TNR: variants seen among roughly 807,000 people sequenced by gnomAD.
TNR encodes tenascin R, also known as tenascin-R.
TNR carries 45 observed loss-of-function variants against 150.4 expected under a neutral mutation model. The ratio of observed to expected loss-of-function variants is 0.30; its 90% CI spans 0.24 to 0.38. TNR has a LOEUF of 0.38. Among genes scored for constraint, TNR ranks in the 10% least tolerant of loss-of-function variants. The pLI is 1.00. For synonymous variants in TNR, 687 were observed against 678.4 expected (o/e 1.01, Z -0.20); for missense variants, 1,544 against 1,759.1 (o/e 0.88, Z 2.19).
intron 1 of TNR, among the ~76,000 whole-genome samples, chr1:175,666,022 A>G (rs575913745): frequency 1.6e-4 from 24 of 152,326 alleles, no homozygotes; most frequent in African/African-American, 4.8e-4. Flanking sequence ...AACCTCCCTA[A>G]TTTACCATAA....
intron 18 of TNR, among the ~76,000 whole-genome samples, chr1:175,353,215 G>T (rs1651148583): frequency 6.6e-6 from 1 of 152,156 alleles, no homozygotes; most frequent in African/African-American, 2.4e-5. Context: ...TCAAATTCCA[G>T]CTCCCTTACT....
chr1:175,509,129 G>A (rs1659067701), intron 2 of TNR, among the ~76,000 whole-genome samples: 1 of 152,160 alleles, frequency 6.6e-6, no homozygotes, highest in South Asian at 2.1e-4. Context: ...ACCAGTATGA[G>A]CCATTATTTT....
intron 1 of TNR, among the ~76,000 whole-genome samples, chr1:175,544,753 G>T (rs918816223): frequency 1.3e-5 from 2 of 152,210 alleles, no homozygotes; most frequent in African/African-American, 2.4e-5. Flanking sequence ...CTATTGGAAA[G>T]GTAGAAGGAG....
intron 1 of TNR, among the ~76,000 whole-genome samples, chr1:175,605,403 T>A (rs1244051210): frequency 6.6e-6 from 1 of 152,226 alleles, no homozygotes; most frequent in African/African-American, 2.4e-5. Context: ...AGCGCATGTA[T>A]ACACTTACTT....
chr1:175,711,971 G>A (rs1220726381), intron 1 of TNR, among the ~76,000 whole-genome samples: 1 of 152,204 alleles, frequency 6.6e-6, no homozygotes, highest in Non-Finnish European at 1.5e-5. Context: ...TGAATCTGCA[G>A]TTCAGGAGAA....
chr1:175,446,293 C>T (rs10912982), intron 2 of TNR, among the ~76,000 whole-genome samples: 37,943 of 152,122 alleles, frequency 0.25, 5,037 homozygotes, highest in East Asian at 0.5. Flanking sequence ...TGGGCTCTGA[C>T]CTGGCTCTGT....
At chr1:175,411,478 A>T (rs1224149981) in intron 2 of TNR, among the ~76,000 whole-genome samples, 1 of 151,974 alleles carries the variant, frequency 6.6e-6, no homozygotes, top group Admixed American at 6.6e-5. Flanking sequence ...ATTCTCTCAT[A>T]GTTCTGGTGG....
At chr1:175,394,027 G>A (rs1047664099) in intron 5 of TNR, 132 bp from the exon 6 acceptor site, 2 of 694,380 alleles carry the variant, frequency 2.9e-6, no homozygotes, top group African/African-American at 1.8e-5. Flanking sequence ...TCCCAATCTT[G>A]CTCCAGACAC....
At chr1:175,602,359 T>A in intron 1 of TNR, among the ~76,000 whole-genome samples, 1 of 152,176 alleles carries the variant, frequency 6.6e-6, no homozygotes, top group East Asian at 1.9e-4. Flanking sequence ...GAGTTTCTGA[T>A]TCTATAGGCC....
At chr1:175,392,318 C>G (rs1020862860) in intron 6 of TNR, among the ~76,000 whole-genome samples, 2 of 152,096 alleles carry the variant, frequency 1.3e-5, no homozygotes, top group Admixed American at 1.3e-4. Context: ...ATTTATGGTA[C>G]CCAGGGTGCC....
chr1:175,674,027 G>C (rs1031604805), intron 1 of TNR, among the ~76,000 whole-genome samples: 1 of 152,206 alleles, frequency 6.6e-6, no homozygotes, highest in Non-Finnish European at 1.5e-5. Flanking sequence ...AGTGCTGTGT[G>C]CCTCAACTCT....
At chr1:175,516,798 GA>G (rs995711557) in intron 2 of TNR, among the ~76,000 whole-genome samples, 59 of 152,184 alleles carry the variant, frequency 3.9e-4, no homozygotes, top group African/African-American at 1.3e-3. Context: ...TTCAGAAATT[GA>G]AAAAATACAT....
intron 1 of TNR, among the ~76,000 whole-genome samples, chr1:175,705,466 G>C (rs1241939645): frequency 6.6e-6 from 1 of 152,080 alleles, no homozygotes; most frequent in Non-Finnish European, 1.5e-5. Context: ...CTAAATTCTA[G>C]AAAGATAAAG....
At chr1:175,448,148 C>T (rs1571454075) in intron 2 of TNR, among the ~76,000 whole-genome samples, 1 of 152,152 alleles carries the variant, frequency 6.6e-6, no homozygotes, top group Non-Finnish European at 1.5e-5. Flanking sequence ...TTAGGTGAGC[C>T]CCCGAGCCCT....
At chr1:175,344,863 C>G (rs1418286897) in intron 18 of TNR, among the ~76,000 whole-genome samples, 1 of 152,074 alleles carries the variant, frequency 6.6e-6, no homozygotes, top group Non-Finnish European at 1.5e-5. Flanking sequence ...TTGCAGCCAG[C>G]ATTAGTCTGA....
intron 1 of TNR, among the ~76,000 whole-genome samples, chr1:175,637,986 G>T (rs1664537581): frequency 6.6e-6 from 1 of 152,122 alleles, no homozygotes; most frequent in Non-Finnish European, 1.5e-5. Flanking sequence ...GTGAATTTTA[G>T]AAAAGACTCA....
At chr1:175,696,000 G>GGATGGATC (rs1302034999) in intron 1 of TNR, among the ~76,000 whole-genome samples, 1 of 151,946 alleles carries the variant, frequency 6.6e-6, no homozygotes, top group African/African-American at 2.4e-5. Context: ...ATGGATGGAT[G>GGATGGATC]GATGGATGGA....
intron 3 of TNR, among the ~76,000 whole-genome samples, chr1:175,404,799 C>T (rs1653872977): frequency 2.0e-5 from 3 of 152,236 alleles, no homozygotes; most frequent in Non-Finnish European, 4.4e-5. Flanking sequence ...TATTCTCCTG[C>T]TCCATTGAAA....
intron 12 of TNR, among the ~76,000 whole-genome samples, chr1:175,364,628 T>C (rs1047157067): frequency 1.3e-5 from 2 of 152,130 alleles, no homozygotes; most frequent in Non-Finnish European, 2.9e-5. Context: ...ATTGTACGAG[T>C]GAACTTTCTG....
Sources: gnomAD v4.1 joint callset for allele counts (sites outside exome capture counted in the v4.1 genomes callset) on GRCh38, gnomAD v4.1.1 for gene constraint, MANE v1.5 for transcripts, NCBI Gene and HGNC (gene_info 2026-07-23, HGNC 2026-07-21) for gene names.